Variants in CLDN1 observed in about 807,000 individuals in gnomAD.
The protein encoded by CLDN1 is claudin-1.
In CLDN1, 12 loss-of-function variants were observed where a neutral mutation model predicts 22.6. The observed-to-expected ratio is 0.53, with a 90% CI of 0.34 to 0.86. CLDN1 has a LOEUF of 0.86. Ranked by LOEUF, CLDN1 falls within the 40% of genes least tolerant of loss-of-function variation. The pLI, the probability that CLDN1 is intolerant of heterozygous loss-of-function variation, is 0.02. For missense variants in CLDN1, 250 were observed against 269.5 expected, an observed-to-expected ratio of 0.93 and a Z score of 0.51; for synonymous variants, 99 against 103.8, an observed-to-expected ratio of 0.95 and a Z score of 0.28.
chr3:190,307,980 A>T lies in CLDN1; in HGVS notation c.*297T>A. 1 of 304,072 alleles carries T rather than the reference A, an allele frequency of 3.3e-6. No homozygotes were observed. The highest frequency in any genetic ancestry group is 6.4e-6 in the Non-Finnish European group (1 of 157,194). 18.8% of individuals were successfully genotyped at this position (304,072 alleles called of 1,614,324 possible). A position where few individuals can be genotyped will look rare whatever the true frequency, so the allele number is the denominator to read the frequency against. ...TTAATAGAAAAACATGTATATATAC[A>T]TATCTATATATATTTAAGGAGCACC... On this transcript the variant is annotated 3_prime_UTR_variant, in exon 4 of 4. Coordinates refer to ENST00000295522, the MANE Select transcript of CLDN1 (RefSeq NM_021101.5).
At chr3:190,308,561 C>A in intron 3 of CLDN1, 122 bp from the exon 4 acceptor site, 1 of 929,762 alleles carries the variant, frequency 1.1e-6, no homozygotes, top group Non-Finnish European at 1.7e-6. Context: ...CCCTGAATAT[C>A]CCTTGGGAAG....
intron 2 of CLDN1, 69 bp from the exon 3 acceptor site, chr3:190,310,322 A>G: frequency 2.5e-6 from 3 of 1,179,276 alleles, no homozygotes; most frequent in South Asian, 2.5e-5. Flanking sequence ...CAACCTGTTA[A>G]ACCAAAACAT....
intron 3 of CLDN1, among the ~76,000 whole-genome samples, chr3:190,309,706 A>C (rs1327862603): frequency 6.6e-6 from 1 of 152,192 alleles, no homozygotes; most frequent in African/African-American, 2.4e-5. Context: ...AAACATACAT[A>C]ATAGCTTTAC....
rs1393234416 is a variant in CLDN1, at chr3:190,306,087, A to G, written c.*2190T>C. On this transcript the variant is annotated 3_prime_UTR_variant, in exon 4 of 4. Coordinates refer to ENST00000295522, the MANE Select transcript of CLDN1 (RefSeq NM_021101.5). ...CTTGTGTAGTTTATTATGAAGTACCATTTCCAAACTAACTATCCTAGCAGC... is the reference window on the plus strand; with the variant it reads ...CTTGTGTAGTTTATTATGAAGTACCGTTTCCAAACTAACTATCCTAGCAGC... The G allele has an allele frequency of 6.6e-6, 1 of 152,264 alleles. No individual in the cohort carries two copies. Among genetic ancestry groups the G allele is most frequent in the Admixed American group, 6.5e-5 (1 of 15,288 alleles). The allele number at this position is 152,264 out of a possible 1,614,324, so 9.4% of individuals were successfully genotyped here.
Position 190,322,336 on chromosome 3 carries a change from G to C in CLDN1, c.-130C>G. 12 of 831,782 alleles carry C rather than the reference G, an allele frequency of 1.4e-5. No homozygotes were observed. In the South Asian group the frequency reaches 1.8e-4, roughly 12 times the overall value. 51.5% of individuals were successfully genotyped at this position (831,782 alleles called of 1,614,324 possible). ...GAAGTTAAGGCGGGGAGCCCTGCTC[G>C]CTGCGCCGCCGCTGGAGAAGCTCTG... On this transcript the variant is annotated 5_prime_UTR_variant, in exon 1 of 4. Transcript: ENST00000295522.
In CLDN1 at chr3:190,310,153, G is replaced by A. The variant is rs199727929; in HGVS notation, c.473+16C>T. 77 of 1,602,294 alleles carry A rather than the reference G, an allele frequency of 4.8e-5. No individual in the cohort carries two copies. In the Admixed American group the frequency reaches 5.8e-4, roughly 12 times the overall value. On this transcript the variant is annotated intron_variant, in intron 3 of 3. Coordinates refer to ENST00000295522, the MANE Select transcript of CLDN1 (RefSeq NM_021101.5). ...TTTCTCAGAAAACAAACTATTTTAC[G>A]CCTGAATAGCGTTACCTGGCATTGA...
chr3:190,314,106 G>A (rs1309731904), intron 1 of CLDN1, among the ~76,000 whole-genome samples: 1 of 152,108 alleles, frequency 6.6e-6, no homozygotes, highest in East Asian at 1.9e-4. Flanking sequence ...ACTTAGTATT[G>A]TTTGGAATAA....
intron 1 of CLDN1, among the ~76,000 whole-genome samples, chr3:190,320,961 T>A (rs904006374): frequency 4.8e-5 from 7 of 145,808 alleles, no homozygotes; most frequent in Non-Finnish European, 7.5e-5. Context: ...ACCTTTAATT[T>A]AAAAAACAAA....
At position 190,306,877 on chromosome 3, in the gene CLDN1, A is replaced by G. The variant is rs1560072462; in HGVS notation, c.*1400T>C. On this transcript the variant is annotated 3_prime_UTR_variant, in exon 4 of 4. Transcript: ENST00000295522. ...TTGTTCAGTGGAAATAGACTGGTAG[A>G]GAGAGGAAGGCACTGAACCACATGA... 1 of 152,704 alleles carries G rather than the reference A, an allele frequency of 6.5e-6. No homozygotes were observed. The highest frequency in any genetic ancestry group is 2.4e-5 in the African/African-American group (1 of 41,458). 9.5% of individuals were successfully genotyped at this position (152,704 alleles called of 1,614,324 possible). A position where few individuals can be genotyped will look rare whatever the true frequency, so the allele number is the denominator to read the frequency against.
At chr3:190,310,095 C>CT in intron 3 of CLDN1, 74 bp downstream of exon 3, 1 of 1,218,418 alleles carries the variant, frequency 8.2e-7, no homozygotes, top group East Asian at 2.3e-5. Context: ...AATGATGGCA[C>CT]TAGCAGGACT....
At chr3:190,319,155 C>A (rs1322020283) in intron 1 of CLDN1, among the ~76,000 whole-genome samples, 1 of 152,120 alleles carries the variant, frequency 6.6e-6, no homozygotes, top group Non-Finnish European at 1.5e-5. Flanking sequence ...TAAGAAGAAG[C>A]ATTTAAGCAA....
rs1418061089 is a variant in CLDN1, at chr3:190,310,640, AG to A, written c.389-388del. 3.9e-5 allele frequency among the ~76,000 whole-genome samples: 6 copies of A among 152,354 alleles called. No homozygotes were observed. In the East Asian group the frequency reaches 1.2e-3, roughly 29 times the overall value. The stretch of plus-strand genomic sequence containing the variant: ...AGGTAGAATTACTTGCAAAAGGGGA[AG>A]ATGAAAACTCTTCTATGTTCTTGAT... On this transcript the variant is annotated intron_variant, in intron 2 of 3. Coordinates refer to ENST00000295522, the MANE Select transcript of CLDN1 (RefSeq NM_021101.5).
At chr3:190,321,016 A>G (rs997437770) in intron 1 of CLDN1, among the ~76,000 whole-genome samples, 2 of 152,174 alleles carry the variant, frequency 1.3e-5, no homozygotes, top group Non-Finnish European at 2.9e-5. Context: ...ATCCTTAGAA[A>G]TATGTCTCTC....
At position 190,308,340 on chromosome 3, in the gene CLDN1, G is replaced by T. The variant is rs754414724; in HGVS notation, c.573C>A (p.Thr191=). 2 of 1,613,862 alleles carry T rather than the reference G, an allele frequency of 1.2e-6. No individual in the cohort carries two copies. Among genetic ancestry groups the T allele is most frequent in the Non-Finnish European group, 1.7e-6 (2 of 1,179,828 alleles). Residue 191 remains threonine (T), a synonymous_variant, in exon 4 of 4, where the codon ACC becomes ACA. Transcript: ENST00000295522. ...GATAGGGCCTTGGTGTTGGGTAAGA[G>T]GTTGTTTTTCGGGGACAGGAACAGC... ...LLCCSCPRKT[T]SYPTPRPYPK...
At chr3:190,308,701 C>A (rs564617302) in intron 3 of CLDN1, among the ~76,000 whole-genome samples, 1 of 152,142 alleles carries the variant, frequency 6.6e-6, no homozygotes, top group Admixed American at 6.5e-5. Flanking sequence ...AAGGACTTTT[C>A]CATATATAGG....
chr3:190,317,345 A>T (rs1161997986), intron 1 of CLDN1, among the ~76,000 whole-genome samples: 1 of 152,190 alleles, frequency 6.6e-6, no homozygotes, highest in African/African-American at 2.4e-5. Context: ...ATATTTAGCT[A>T]GACTGACAAT....
chr3:190,313,139 C>T (rs571744069), intron 1 of CLDN1, 103 bp from the exon 2 acceptor site: 1 of 1,358,344 alleles, frequency 7.4e-7, no homozygotes, highest in South Asian at 1.2e-5. Flanking sequence ...AGAGAGAAAA[C>T]TGGACTAGGA....
chr3:190,312,787 C>G, intron 2 of CLDN1, 85 bp downstream of exon 2: 2 of 1,494,192 alleles, frequency 1.3e-6, no homozygotes, highest in African/African-American at 1.4e-5. Flanking sequence ...AGACTGAAAT[C>G]AAGTATAATG....
In CLDN1 at chr3:190,322,368, G is replaced by A. The variant is rs149860750; in HGVS notation, c.-162C>T. 1.4e-6 allele frequency: 1 copy of A among 694,280 alleles called. No homozygotes were observed. The highest frequency in any genetic ancestry group is 1.8e-5 in the African/African-American group (1 of 56,606). 43.0% of individuals were successfully genotyped at this position (694,280 alleles called of 1,614,324 possible). On this transcript the variant is annotated 5_prime_UTR_variant, in exon 1 of 4. Coordinates refer to ENST00000295522, the MANE Select transcript of CLDN1 (RefSeq NM_021101.5). ...CGCCGCTGGAGAAGCTCTGGGTCGG[G>A]GTTGGGGTCCGCGCCCGGGGCGGCG... is the stretch of plus-strand genomic sequence containing the variant.
Sources: gnomAD v4.1 joint callset for allele counts (sites outside exome capture counted in the v4.1 genomes callset) on GRCh38, gnomAD v4.1.1 for gene constraint, MANE v1.5 for transcripts, NCBI Gene and HGNC (gene_info 2026-07-23, HGNC 2026-07-21) for gene names.